Variants in USP34 observed in about 807,000 individuals in gnomAD.
The protein encoded by USP34 is ubiquitin carboxyl-terminal hydrolase 34.
A neutral mutation model predicts 460.3 loss-of-function variants in USP34; 70 were observed. That is an observed-to-expected ratio of 0.15 (90% CI 0.13 to 0.19). USP34 has a LOEUF of 0.19. USP34 is among the 10% of genes least tolerant of loss of function. The probability of loss-of-function intolerance (pLI) is 1.00; values close to 1 mark genes in which losing one functional copy is unlikely to be tolerated. For missense variants in USP34, 3,985 were observed against 4,236.2 expected (o/e 0.94, Z 1.65); for synonymous variants, 1,647 against 1,405.3 (o/e 1.17, Z -3.85).
intron 2 of USP34, among the ~76,000 whole-genome samples, chr2:61,418,228 C>A (rs1212478100): frequency 6.6e-6 from 1 of 151,406 alleles, no homozygotes; most frequent in East Asian, 1.9e-4. Flanking sequence ...TACTGGTACA[C>A]ACCACCACGC....
intron 8 of USP34, among the ~76,000 whole-genome samples, chr2:61,376,740 C>T (rs1278068909): frequency 6.6e-6 from 1 of 152,120 alleles, no homozygotes; most frequent in Non-Finnish European, 1.5e-5. Flanking sequence ...TCTCTGTCTC[C>T]GGGTTTAAGT....
chr2:61,324,750 G>C (rs1479333846), intron 21 of USP34, among the ~76,000 whole-genome samples: 2 of 152,000 alleles, frequency 1.3e-5, no homozygotes, highest in African/African-American at 2.4e-5. Flanking sequence ...CAGCCTGGGA[G>C]ACAGTGTGAG....
At chr2:61,434,693 A>T (rs998704855) in intron 1 of USP34, among the ~76,000 whole-genome samples, 1 of 151,332 alleles carries the variant, frequency 6.6e-6, no homozygotes, top group African/African-American at 2.4e-5. Context: ...AACCAAGGCC[A>T]ACACACTCCA....
At chr2:61,211,044 C>G (rs999738825) in intron 69 of USP34, among the ~76,000 whole-genome samples, 1 of 152,054 alleles carries the variant, frequency 6.6e-6, no homozygotes, top group Non-Finnish European at 1.5e-5. Context: ...CCGGCAAAGG[C>G]GTAGTTAATT....
Position 61,333,991 on chromosome 2 carries a change from C to T in USP34, c.2745-20G>A. The T allele has an allele frequency of 1.3e-6, 2 of 1,505,882 alleles. No individual in the cohort carries two copies. The highest frequency in any genetic ancestry group is 1.8e-6 in the Non-Finnish European group (2 of 1,116,874). The allele number at this position is 1,505,882 out of a possible 1,614,324, so 93.3% of individuals were successfully genotyped here. Reference sequence around the variant, plus strand: ...ACTGATCTGAAACAGCAGAAACATTCACAAAATAATTTTAGTAATTCTTTT... The same window carrying T: ...ACTGATCTGAAACAGCAGAAACATTTACAAAATAATTTTAGTAATTCTTTT... On this transcript the variant is annotated intron_variant, in intron 18 of 79. Transcript: ENST00000398571.
rs757668768 is a variant in USP34 at position 61,311,879 on chromosome 2, C to T, written c.3574G>A (p.Glu1192Lys). The T allele has an allele frequency of 6.8e-6, 11 of 1,613,720 alleles. No individual in the cohort carries two copies. Among genetic ancestry groups the T allele is most frequent in the Non-Finnish European group, 8.5e-6 (10 of 1,179,908 alleles). Reference protein sequence around the residue: ...FAYHLRQWQIEGTGISSHLKA... With the variant: ...FAYHLRQWQIKGTGISSHLKA... ...AAATGACTACTAATACCAGTGCCTT[C>T]AATTTGCCACTGTCTCAGATGATAT... The change falls in exon 26 of 80, where the codon GAA becomes AAA. Residue 1192 changes from glutamate (E) to lysine (K), a missense_variant. Glu to Lys is a moderately conservative substitution (Grantham distance 56). Coordinates refer to ENST00000398571, the MANE Select transcript of USP34 (RefSeq NM_014709.4).
chr2:61,437,058 G>C (rs892329992), intron 1 of USP34, among the ~76,000 whole-genome samples: 1 of 152,152 alleles, frequency 6.6e-6, no homozygotes, highest in African/African-American at 2.4e-5. Flanking sequence ...ACTGCTAAGA[G>C]GGAAGTTTAT....
Position 61,245,299 on chromosome 2 carries a change from G to T in USP34, c.6549-11C>A. On this transcript the variant is annotated splice_polypyrimidine_tract_variant and intron_variant, in intron 50 of 79. Transcript: ENST00000398571. ...TCATTAAAAAGATACCTAAAATAGA[G>T]CATATAGTATTAATCTAGTATGCAT... is the stretch of plus-strand genomic sequence containing the variant. 6.4e-7 allele frequency: 1 copy of T among 1,566,720 alleles called. No individual in the cohort carries two copies. The highest frequency in any genetic ancestry group is 8.7e-7 in the Non-Finnish European group (1 of 1,143,778).
chr2:61,373,364 CTA>C (rs1692689880), intron 8 of USP34, among the ~76,000 whole-genome samples: 2 of 150,216 alleles, frequency 1.3e-5, no homozygotes, highest in Non-Finnish European at 3.0e-5. Flanking sequence ...GATTATATGA[CTA>C]GTTTTTTTTT....
At chr2:61,365,489 T>A (rs970365177) in intron 10 of USP34, among the ~76,000 whole-genome samples, 1 of 152,018 alleles carries the variant, frequency 6.6e-6, no homozygotes, top group African/African-American at 2.4e-5. Flanking sequence ...AAACTCTTCT[T>A]TAAGAATAAA....
chr2:61,311,339 G>C lies in USP34; in HGVS notation c.3817+201C>G, dbSNP rs193213871. ...CACCAGATGCTGGTACCCTGATCTT[G>C]GACTTCCCAAATTCTGTTCTTTACC... On this transcript the variant is annotated intron_variant, in intron 27 of 79. Transcript: ENST00000398571. Among the ~76,000 whole-genome samples, 26 of 152,082 alleles carry C rather than the reference G, an allele frequency of 1.7e-4. No individual in the cohort carries two copies. In the East Asian group the frequency reaches 5.0e-3, roughly 29 times the overall value.
rs1280884546 is a variant in USP34, at chr2:61,188,309, A to G, written c.10434T>C (p.Ser3478=). The part of the protein sequence containing the change: ...FPSTSISAVL[S]DLADLRSCDG... ...CACAGCTTCTCAAGTCAGCTAAGTC[A>G]GACAGAACTGCAGAGATAGAAGTAG... Residue 3478 remains serine, a synonymous_variant, in exon 80 of 80, where the codon TCT becomes TCC. Transcript: ENST00000398571. 6.2e-7 allele frequency: 1 copy of G among 1,613,782 alleles called. No individual in the cohort carries two copies. The highest frequency in any genetic ancestry group is 2.2e-5 in the East Asian group (1 of 44,884).
chr2:61,448,222 C>A (rs1181947351), intron 1 of USP34, among the ~76,000 whole-genome samples: 1 of 152,156 alleles, frequency 6.6e-6, no homozygotes, highest in Non-Finnish European at 1.5e-5. Flanking sequence ...GTCTATAATC[C>A]CAGTACTTTG....
chr2:61,370,678 GGAATTATAAAGA>G, intron 8 of USP34, 99 bp from the exon 9 acceptor site: 1 of 1,023,418 alleles, frequency 9.8e-7, no homozygotes, highest in Non-Finnish European at 1.4e-6. Context: ...TGTTCCTATA[GGAATTATAAAGA>G]ATTAGATACA....
intron 32 of USP34, 137 bp downstream of exon 32, chr2:61,294,812 T>C: frequency 1.4e-6 from 1 of 733,964 alleles, no homozygotes. Context: ...CAACTTAAAG[T>C]AATACATGAT....
intron 6 of USP34, among the ~76,000 whole-genome samples, chr2:61,380,611 A>G (rs1273915179): frequency 1.3e-5 from 2 of 152,198 alleles, no homozygotes; most frequent in South Asian, 4.1e-4. Flanking sequence ...TCCCATCATT[A>G]TATGTACAAG....
intron 8 of USP34, among the ~76,000 whole-genome samples, chr2:61,377,523 G>A (rs570017738): frequency 6.6e-6 from 1 of 152,124 alleles, no homozygotes; most frequent in South Asian, 2.1e-4. Context: ...CATGAAGGTG[G>A]AGCCTTCATG....
rs1461667463 is a variant in USP34 at position 61,283,542 on chromosome 2, T to C, written c.4833-93A>G. ...AACATATATCCTTTAAGGTTATCACTTCCCCCCCAAAAAAGGAAAGCAGTG... is the reference window on the plus strand; with the variant it reads ...AACATATATCCTTTAAGGTTATCACCTCCCCCCCAAAAAAGGAAAGCAGTG... On this transcript the variant is annotated intron_variant, in intron 35 of 79. Transcript: ENST00000398571. 1.4e-5 allele frequency: 19 copies of C among 1,364,102 alleles called. No homozygotes were observed. The African/African-American group carries it at 1.8e-4, about 13-fold the overall frequency. 84.5% of individuals were successfully genotyped at this position (1,364,102 alleles called of 1,614,324 possible). A position where few individuals can be genotyped will look rare whatever the true frequency, so the allele number is the denominator to read the frequency against.
chr2:61,446,113 CAAAAAAAAAAAA>C (rs35776849), intron 1 of USP34, among the ~76,000 whole-genome samples: 3 of 87,256 alleles, frequency 3.4e-5, no homozygotes, highest in Non-Finnish European at 6.5e-5. Flanking sequence ...GACTCTGTCT[CAAAAAAAAAAAA>C]AAAAAAAAAC....
Sources: allele counts gnomAD v4.1 joint callset (sites outside exome capture counted in the v4.1 genomes callset), GRCh38; gene constraint gnomAD v4.1.1; transcripts MANE v1.5; gene names NCBI Gene and HGNC (gene_info 2026-07-23, HGNC 2026-07-21).